Variants in NPAS2 observed in about 807,000 individuals in gnomAD.
NPAS2 encodes neuronal PAS domain-containing protein 2.
In NPAS2, 23 loss-of-function variants were observed where a neutral mutation model predicts 107.5. The ratio of observed to expected loss-of-function variants is 0.21; its 90% CI spans 0.15 to 0.30. The LOEUF (loss-of-function observed/expected upper bound fraction) is 0.30, where lower values mean the gene tolerates loss of function less well. Ranked by LOEUF, NPAS2 falls within the 10% of genes least tolerant of loss-of-function variation. NPAS2 has a pLI of 1.00. For missense variants in NPAS2, 756 were observed against 1,043.3 expected (o/e 0.72, Z 3.79); for synonymous variants, 403 against 417.5 (o/e 0.97, Z 0.42).
intron 5 of NPAS2, among the ~76,000 whole-genome samples, chr2:100,939,583 G>T (rs1479176206): frequency 1.3e-5 from 2 of 152,146 alleles, no homozygotes; most frequent in Non-Finnish European, 2.9e-5. Context: ...AAGAGGAGCT[G>T]GGGTATTCTT....
At chr2:100,905,740 C>T (rs1286442199) in intron 2 of NPAS2, among the ~76,000 whole-genome samples, 4 of 152,150 alleles carry the variant, frequency 2.6e-5, no homozygotes, top group Admixed American at 1.3e-4. Context: ...GTGACAGCCT[C>T]GTGAGCCTGC....
intron 1 of NPAS2, among the ~76,000 whole-genome samples, chr2:100,868,072 T>A (rs930309): frequency 0.67 from 101,161 of 152,070 alleles, 34,825 homozygotes; most frequent in Non-Finnish European, 0.76. Context: ...TCCAGTATTA[T>A]TTTCTATGAA....
At chr2:100,873,491 T>G (rs1438642748) in intron 1 of NPAS2, among the ~76,000 whole-genome samples, 3 of 151,574 alleles carry the variant, frequency 2.0e-5, no homozygotes, top group Middle Eastern at 3.4e-3. Flanking sequence ...CACTATATAT[T>G]GTATCCCTTT....
rs868163390 is a variant in NPAS2, at chr2:100,821,014, C to T, written c.-23+600C>T. The stretch of plus-strand genomic sequence containing the variant: ...CCGCCCCCCCACCCCAACTCCGGAG[C>T]TCCCCAGGTTGGATGTATGCGTATG... On this transcript the variant is annotated intron_variant, in intron 1 of 20. Coordinates refer to ENST00000335681, the MANE Select transcript of NPAS2 (RefSeq NM_002518.4). 3 of 1,288,610 alleles carry T rather than the reference C, an allele frequency of 2.3e-6. No homozygotes were observed. In the Admixed American group the frequency reaches 7.1e-5, roughly 31 times the overall value. 79.8% of individuals were successfully genotyped at this position (1,288,610 alleles called of 1,614,324 possible). A position where few individuals can be genotyped will look rare whatever the true frequency, so the allele number is the denominator to read the frequency against.
chr2:100,971,090 C>T lies in NPAS2; in HGVS notation c.1140+16C>T, dbSNP rs763985331. On this transcript the variant is annotated intron_variant, in intron 12 of 20. Transcript: ENST00000335681. ...AGCACTAAAGGTACGCCCATCCCTG[C>T]CAGATGGATACGGCAAAGGTTGGCT... 6.2e-7 allele frequency: 1 copy of T among 1,611,070 alleles called. No individual in the cohort carries two copies. The highest frequency in any genetic ancestry group is 1.1e-5 in the South Asian group (1 of 90,922).
chr2:100,995,672 A>C lies in NPAS2; in HGVS notation c.*90A>C, dbSNP rs1261126118. 4.5e-6 allele frequency: 7 copies of C among 1,551,388 alleles called. No homozygotes were observed. The highest frequency in any genetic ancestry group is 1.7e-4 in the Middle Eastern group (1 of 6,008). Reference sequence around the variant, plus strand: ...AGATGGGGAGAGGAGTCTGAACTAAACCCCTGGCTTTTGTGCACACTGCAT... The same window carrying C: ...AGATGGGGAGAGGAGTCTGAACTAACCCCCTGGCTTTTGTGCACACTGCAT... On this transcript the variant is annotated 3_prime_UTR_variant, in exon 21 of 21. Transcript: ENST00000335681.
In NPAS2 at chr2:100,993,550, C is replaced by A. The variant is rs200917092; in HGVS notation, c.2292+23C>A. 6.2e-5 allele frequency: 92 copies of A among 1,492,106 alleles called. 1 individual carries two copies. The East Asian group carries it at 1.6e-3, about 27-fold the overall frequency. The allele number at this position is 1,492,106 out of a possible 1,614,324, so 92.4% of individuals were successfully genotyped here. A position where few individuals can be genotyped will look rare whatever the true frequency, so the allele number is the denominator to read the frequency against. On this transcript the variant is annotated intron_variant, in intron 20 of 20. Transcript: ENST00000335681. ...CAGGTGGGTGCCACGGCCCAGGGGG[C>A]CCCCGTGCAGGCCTGGGAGCCGGGC... is the stretch of plus-strand genomic sequence containing the variant.
At chr2:100,852,392 A>G (rs547972153) in intron 1 of NPAS2, among the ~76,000 whole-genome samples, 15 of 152,238 alleles carry the variant, frequency 9.9e-5, no homozygotes, top group Admixed American at 7.2e-4. Context: ...GCGAGACTCC[A>G]TCTCAAAAAA....
intron 1 of NPAS2, among the ~76,000 whole-genome samples, chr2:100,850,419 A>G (rs1678092988): frequency 6.6e-6 from 1 of 152,148 alleles, no homozygotes; most frequent in African/African-American, 2.4e-5. Flanking sequence ...TGAGGGTACA[A>G]AAGAGGAAGG....
At chr2:100,990,479 A>G (rs1397527117) in intron 18 of NPAS2, 33 bp downstream of exon 18, 85 of 1,606,962 alleles carry the variant, frequency 5.3e-5, no homozygotes, top group Non-Finnish European at 7.0e-5. Flanking sequence ...AGGATAACCC[A>G]GGCATCATTT....
intron 15 of NPAS2, among the ~76,000 whole-genome samples, chr2:100,978,287 A>G (rs1257475257): frequency 1.3e-5 from 2 of 152,198 alleles, no homozygotes; most frequent in African/African-American, 2.4e-5. Context: ...TGCTTCATTT[A>G]GAATAATGAC....
chr2:100,987,962 T>C (rs1677871791), intron 16 of NPAS2, 117 bp from the exon 17 acceptor site: 1 of 1,102,878 alleles, frequency 9.1e-7, no homozygotes. Flanking sequence ...GTAAATGAAC[T>C]ATTTCTAGGC....
chr2:100,865,881 CGCTAAAATTGTTACCAGTCCCAAGT>C (rs1045730501), intron 1 of NPAS2, among the ~76,000 whole-genome samples: 2 of 152,162 alleles, frequency 1.3e-5, no homozygotes, highest in Non-Finnish European at 2.9e-5. Context: ...AACTACCTCC[CGCTAAAATTGTTACCAGTCCCAAGT>C]GCTTGCCTAG....
At chr2:100,852,949 T>C (rs1428751211) in intron 1 of NPAS2, among the ~76,000 whole-genome samples, 1 of 152,218 alleles carries the variant, frequency 6.6e-6, no homozygotes, top group African/African-American at 2.4e-5. Flanking sequence ...TATCTTCCCA[T>C]AGCCCTTAAA....
intron 5 of NPAS2, among the ~76,000 whole-genome samples, chr2:100,944,237 C>T (rs1674753819): frequency 6.6e-6 from 1 of 152,206 alleles, no homozygotes; most frequent in African/African-American, 2.4e-5. Context: ...TCACCATTGC[C>T]TCTTCTCACT....
intron 1 of NPAS2, among the ~76,000 whole-genome samples, chr2:100,892,902 A>G (rs1190993974): frequency 5.9e-5 from 9 of 151,960 alleles, no homozygotes; most frequent in South Asian, 2.1e-4. Context: ...TATTTTCAGT[A>G]GAGACAGGGT....
intron 2 of NPAS2, among the ~76,000 whole-genome samples, chr2:100,913,275 T>G (rs551962663): frequency 3.3e-5 from 5 of 152,204 alleles, no homozygotes; most frequent in Admixed American, 2.6e-4. Flanking sequence ...GGGAGCCTGC[T>G]AGTGCTCCCT....
intron 19 of NPAS2, among the ~76,000 whole-genome samples, chr2:100,992,319 G>A (rs987546900): frequency 5.3e-5 from 8 of 152,226 alleles, no homozygotes; most frequent in Admixed American, 1.3e-4. Flanking sequence ...GGAGGCTGAG[G>A]CAGGAGAATC....
intron 2 of NPAS2, among the ~76,000 whole-genome samples, chr2:100,910,888 G>A (rs114559970): frequency 7.2e-5 from 11 of 152,106 alleles, no homozygotes; most frequent in African/African-American, 1.9e-4. Flanking sequence ...CCCCCAAACC[G>A]CATGGCCTCA....
Sources: gnomAD v4.1 joint callset for allele counts (sites outside exome capture counted in the v4.1 genomes callset) on GRCh38, gnomAD v4.1.1 for gene constraint, MANE v1.5 for transcripts, NCBI Gene and HGNC (gene_info 2026-07-23, HGNC 2026-07-21) for gene names.